The following RPH3A variants were observed in gnomAD, a reference collection of about 807,000 sequenced individuals.
RPH3A encodes the protein rabphilin 3A, also known as rabphilin-3A.
Under a neutral mutation model 102.2 loss-of-function variants are expected in RPH3A, and 48 were observed. The observed-to-expected ratio is 0.47, with a 90% CI of 0.37 to 0.60. The LOEUF is 0.60. RPH3A is among the 20% of genes least tolerant of loss of function. The pLI is 0.00. For synonymous variants in RPH3A, 310 were observed against 324.3 expected (o/e 0.96, Z 0.47); for missense variants, 781 against 910.1 (o/e 0.86, Z 1.83).
chr12:112,842,605 G>C (rs1403304928), intron 4 of RPH3A, among the ~76,000 whole-genome samples: 1 of 152,226 alleles, frequency 6.6e-6, no homozygotes, highest in Admixed American at 6.5e-5. Context: ...GTCTGCTTAG[G>C]TTGAAGGGCT....
chr12:112,796,567 T>G (rs957552768), intron 2 of RPH3A, among the ~76,000 whole-genome samples: 1 of 152,212 alleles, frequency 6.6e-6, no homozygotes, highest in Non-Finnish European at 1.5e-5. Flanking sequence ...GCTCAGTTAG[T>G]ATTGATTATG....
At chr12:112,706,504 C>T (rs933816690) in intron 1 of RPH3A, among the ~76,000 whole-genome samples, 2 of 152,304 alleles carry the variant, frequency 1.3e-5, no homozygotes, top group South Asian at 4.2e-4. Flanking sequence ...CTTGAACTTA[C>T]ATTTCATTCT....
chr12:112,749,616 G>T (rs1308599231), intron 1 of RPH3A, among the ~76,000 whole-genome samples: 1 of 152,130 alleles, frequency 6.6e-6, no homozygotes. Flanking sequence ...TCAGCCATTT[G>T]CCAGTGCTGT....
chr12:112,779,124 A>T (rs2040988932), intron 1 of RPH3A, among the ~76,000 whole-genome samples: 1 of 152,164 alleles, frequency 6.6e-6, no homozygotes, highest in Non-Finnish European at 1.5e-5. Context: ...CTAGGATTTG[A>T]TTAGGAGAAA....
chr12:112,750,196 G>C (rs748905808), intron 1 of RPH3A, among the ~76,000 whole-genome samples: 3 of 152,180 alleles, frequency 2.0e-5, no homozygotes, highest in Non-Finnish European at 4.4e-5. Context: ...CAAAGGCCAC[G>C]AGTAATAATG....
At chr12:112,727,146 C>A (rs2040596352) in intron 1 of RPH3A, among the ~76,000 whole-genome samples, 1 of 152,022 alleles carries the variant, frequency 6.6e-6, no homozygotes, top group African/African-American at 2.4e-5. Context: ...TCACTCTTGG[C>A]TCCCTGAGCA....
intron 1 of RPH3A, among the ~76,000 whole-genome samples, chr12:112,641,482 C>T (rs1344432331): frequency 2.0e-5 from 3 of 152,170 alleles, no homozygotes; most frequent in South Asian, 2.1e-4. Flanking sequence ...CTGCAACCTC[C>T]GCCTCCCAGG....
At chr12:112,644,991 G>T (rs1239757634) in intron 1 of RPH3A, among the ~76,000 whole-genome samples, 1 of 152,174 alleles carries the variant, frequency 6.6e-6, no homozygotes, top group Admixed American at 6.5e-5. Context: ...TGAAGCAAAA[G>T]ACTCCCAGGC....
chr12:112,781,802 G>A (rs112190150), intron 1 of RPH3A, among the ~76,000 whole-genome samples: 6 of 152,186 alleles, frequency 3.9e-5, no homozygotes, highest in South Asian at 2.1e-4. Flanking sequence ...TCAAGGAATC[G>A]CTATAGCCAG....
At chr12:112,806,373 G>T (rs966806965) in intron 2 of RPH3A, among the ~76,000 whole-genome samples, 1 of 152,180 alleles carries the variant, frequency 6.6e-6, no homozygotes, top group Non-Finnish European at 1.5e-5. Context: ...ACTGGCTCAC[G>T]CCTGTAATCC....
intron 13 of RPH3A, among the ~76,000 whole-genome samples, chr12:112,878,119 G>A (rs1312162226): frequency 1.3e-5 from 2 of 152,144 alleles, no homozygotes; most frequent in Non-Finnish European, 2.9e-5. Flanking sequence ...GCACTCCCAT[G>A]GATCATGGGT....
Position 112,597,392 on chromosome 12 carries a change from G to T in RPH3A, c.-140+22073G>T, listed in dbSNP as rs530476881. ...GAGCCCAGGAGTTTAAGACCAGCCC[G>T]GGCAACATGGTAAAACCCCACCTCT... On this transcript the variant is annotated intron_variant, in intron 1 of 21. Transcript: ENST00000543106. 3.5e-4 allele frequency among the ~76,000 whole-genome samples: 54 copies of T among 152,118 alleles called. No individual in the cohort carries two copies. In the South Asian group the frequency reaches 0.011, roughly 30 times the overall value.
chr12:112,713,173 C>A lies in RPH3A; in HGVS notation c.-139-78970C>A, dbSNP rs529470911. On this transcript the variant is annotated intron_variant, in intron 1 of 21. Transcript: ENST00000543106. ...TCTCGAACTCCTGGGTTCAAGGGAT[C>A]CTCATGCCTTGGCCTCTCAAAGTGC... Among the ~76,000 whole-genome samples the A allele has an allele frequency of 2.5e-3, 370 of 150,650 alleles. 2 individuals are homozygous for A. Among genetic ancestry groups the A allele is most frequent in the African/African-American group, 8.5e-3 (347 of 40,900 alleles).
At chr12:112,777,665 A>G (rs1234236255) in intron 1 of RPH3A, among the ~76,000 whole-genome samples, 1 of 152,182 alleles carries the variant, frequency 6.6e-6, no homozygotes, top group African/African-American at 2.4e-5. Flanking sequence ...TGCCTAGTGA[A>G]GTTGGTTTCC....
At chr12:112,717,670 G>T (rs187533866) in intron 1 of RPH3A, among the ~76,000 whole-genome samples, 1 of 150,468 alleles carries the variant, frequency 6.6e-6, no homozygotes, top group Admixed American at 6.6e-5. Flanking sequence ...TGGGGTAACT[G>T]TAAATAAAGC....
At chr12:112,682,767 G>A (rs1566257247) in intron 1 of RPH3A, among the ~76,000 whole-genome samples, 1 of 152,114 alleles carries the variant, frequency 6.6e-6, no homozygotes, top group Non-Finnish European at 1.5e-5. Flanking sequence ...ACATTCCCAG[G>A]AACAATGGAA....
chr12:112,767,974 T>C (rs2040902946), intron 1 of RPH3A, among the ~76,000 whole-genome samples: 1 of 151,944 alleles, frequency 6.6e-6, no homozygotes. Flanking sequence ...GAATGGGGAG[T>C]CACTGCTAAT....
At chr12:112,833,439 C>T (rs766991164) in intron 3 of RPH3A, among the ~76,000 whole-genome samples, 3 of 152,128 alleles carry the variant, frequency 2.0e-5, no homozygotes, top group African/African-American at 4.8e-5. Context: ...TAATTACTTG[C>T]GCTTTGAATG....
At chr12:112,776,082 G>A (rs941949024) in intron 1 of RPH3A, among the ~76,000 whole-genome samples, 8 of 152,150 alleles carry the variant, frequency 5.3e-5, no homozygotes, top group African/African-American at 1.9e-4. Flanking sequence ...GTACATTCTG[G>A]TATAGCTTAT....
Sources: allele counts gnomAD v4.1 joint callset (sites outside exome capture counted in the v4.1 genomes callset), GRCh38; gene constraint gnomAD v4.1.1; transcripts MANE v1.5; gene names NCBI Gene and HGNC (gene_info 2026-07-23, HGNC 2026-07-21).